Variants in GRIA3 observed in about 807,000 individuals in gnomAD.
GRIA3 encodes glutamate ionotropic receptor AMPA type subunit 3.
In GRIA3, 3 loss-of-function variants were observed where a neutral mutation model predicts 63.0. The observed-to-expected ratio is 0.05, with a 90% confidence interval of 0.02 to 0.12. The LOEUF is 0.12. Ranked by LOEUF, GRIA3 falls within the 10% of genes least tolerant of loss-of-function variation. GRIA3 has a pLI of 1.00. For missense variants in GRIA3, 347 were observed against 700.9 expected, an observed-to-expected ratio of 0.50 and a Z score of 5.70; for synonymous variants, 274 against 257.9, an observed-to-expected ratio of 1.06 and a Z score of -0.60.
intron 4 of GRIA3, among the ~76,000 whole-genome samples, chrX:123,329,883 G>T (rs2044929126): frequency 9.0e-6 from 1 of 111,482 alleles, no homozygotes; most frequent in Non-Finnish European, 1.9e-5. Context: ...TGCCTCTCTG[G>T]GAGTTATCTA....
intron 2 of GRIA3, among the ~76,000 whole-genome samples, chrX:123,220,805 T>C (rs752539769): frequency 8.9e-6 from 1 of 111,890 alleles, no homozygotes; most frequent in Non-Finnish European, 1.9e-5. Context: ...AAAACAGTAT[T>C]ATACATAAGA....
chrX:123,349,499 T>C (rs997701860), intron 4 of GRIA3, among the ~76,000 whole-genome samples: 3 of 112,922 alleles, frequency 2.7e-5, no homozygotes, highest in African/African-American at 9.6e-5. Flanking sequence ...GCATTTTATT[T>C]GATGCCTTAT....
At chrX:123,189,514 C>A (rs1488255174) in intron 2 of GRIA3, among the ~76,000 whole-genome samples, 1 of 112,049 alleles carries the variant, frequency 8.9e-6, no homozygotes, top group African/African-American at 3.2e-5. Context: ...CCACACTACA[C>A]CGCCCCAGCC....
At chrX:123,286,538 A>G (rs1030447880) in intron 3 of GRIA3, among the ~76,000 whole-genome samples, 1 of 112,083 alleles carries the variant, frequency 8.9e-6, no homozygotes, top group African/African-American at 3.2e-5. Context: ...AAAGAATAAA[A>G]GAGAGAAGAA....
At chrX:123,348,832 T>C (rs1204484389) in intron 4 of GRIA3, among the ~76,000 whole-genome samples, 2 of 112,082 alleles carry the variant, frequency 1.8e-5, no homozygotes, top group Non-Finnish European at 3.8e-5. Flanking sequence ...TTTACAATAC[T>C]CAAGAAGATT....
At chrX:123,234,866 C>T (rs1569404427) in intron 2 of GRIA3, among the ~76,000 whole-genome samples, 2 of 111,451 alleles carry the variant, frequency 1.8e-5, no homozygotes, top group African/African-American at 3.3e-5. Context: ...ATAACTGGAT[C>T]GTAAGCTCAA....
At chrX:123,348,729 T>C (rs1343042150) in intron 4 of GRIA3, among the ~76,000 whole-genome samples, 1 of 112,188 alleles carries the variant, frequency 8.9e-6, no homozygotes, top group Non-Finnish European at 1.9e-5. Flanking sequence ...ACATGTAAAT[T>C]GCCTCAGGAA....
intron 3 of GRIA3, among the ~76,000 whole-genome samples, chrX:123,275,228 T>C (rs892990165): frequency 8.9e-6 from 1 of 111,740 alleles, no homozygotes; most frequent in African/African-American, 3.2e-5. Context: ...TCAGGCACTG[T>C]TCTATATACT....
At chrX:123,281,601 C>T (rs2044586348) in intron 3 of GRIA3, among the ~76,000 whole-genome samples, 1 of 111,490 alleles carries the variant, frequency 9.0e-6, no homozygotes, top group African/African-American at 3.3e-5. Flanking sequence ...GTACCTTAAA[C>T]CTAGCCACAC....
At chrX:123,460,982 C>T (rs2045789350) in intron 12 of GRIA3, among the ~76,000 whole-genome samples, 1 of 111,376 alleles carries the variant, frequency 9.0e-6, no homozygotes, top group East Asian at 2.8e-4. Context: ...CAAAGGCAGA[C>T]TAAGTAGCAT....
intron 1 of GRIA3, among the ~76,000 whole-genome samples, 168 bp from the exon 2 acceptor site, chrX:123,185,664 C>T (rs770562967): frequency 9.0e-6 from 1 of 110,787 alleles, no homozygotes; most frequent in African/African-American, 3.3e-5. Context: ...TTTCTCTTGG[C>T]CAAAATCTGA....
At chrX:123,242,563 T>C (rs920355891) in intron 2 of GRIA3, among the ~76,000 whole-genome samples, 1 of 112,417 alleles carries the variant, frequency 8.9e-6, no homozygotes, top group Non-Finnish European at 1.9e-5. Context: ...GATGGAGATA[T>C]GTGGATGACA....
intron 4 of GRIA3, among the ~76,000 whole-genome samples, chrX:123,341,243 A>G (rs996984732): frequency 3.6e-5 from 4 of 112,268 alleles, no homozygotes; most frequent in African/African-American, 1.3e-4. Flanking sequence ...AGGGGAAACA[A>G]AAAAGCAATT....
intron 13 of GRIA3, among the ~76,000 whole-genome samples, chrX:123,477,613 T>C (rs1229991126): frequency 1.8e-5 from 2 of 111,956 alleles, no homozygotes. Flanking sequence ...ACCTCACAGA[T>C]CTTTTGATGA....
At chrX:123,205,025 G>C (rs778615686) in intron 2 of GRIA3, among the ~76,000 whole-genome samples, 3 of 112,063 alleles carry the variant, frequency 2.7e-5, no homozygotes, top group Admixed American at 9.5e-5. Flanking sequence ...CAGTGTAAGG[G>C]AGGGTGAGAG....
At chrX:123,398,024 CA>C (rs2045423375) in intron 6 of GRIA3, among the ~76,000 whole-genome samples, 1 of 111,561 alleles carries the variant, frequency 9.0e-6, no homozygotes, top group African/African-American at 3.3e-5. Context: ...TCAACATCAT[CA>C]GATTTAAAAC....
intron 4 of GRIA3, among the ~76,000 whole-genome samples, chrX:123,326,711 C>T (rs1273144292): frequency 8.9e-6 from 1 of 111,769 alleles, no homozygotes; most frequent in African/African-American, 3.3e-5. Flanking sequence ...GGACAGTACT[C>T]ACCAAGTTTT....
intron 3 of GRIA3, among the ~76,000 whole-genome samples, chrX:123,291,959 C>G (rs1254272797): frequency 9.0e-6 from 1 of 111,481 alleles, no homozygotes; most frequent in Non-Finnish European, 1.9e-5. Context: ...GTACCATGTG[C>G]TTGGAGATCT....
chrX:123,200,707 C>T (rs1181907243), intron 2 of GRIA3, among the ~76,000 whole-genome samples: 1 of 109,684 alleles, frequency 9.1e-6, no homozygotes, highest in Non-Finnish European at 1.9e-5. Context: ...ACTATTATAC[C>T]TCAACTTCCT....
Sources: gnomAD v4.1 joint callset for allele counts (sites outside exome capture counted in the v4.1 genomes callset) on GRCh38, gnomAD v4.1.1 for gene constraint, MANE v1.5 for transcripts, NCBI Gene and HGNC (gene_info 2026-07-23, HGNC 2026-07-21) for gene names.